ZNF556: variants seen among roughly 807,000 people sequenced by gnomAD.
ZNF556 encodes the protein zinc finger protein 556.
ZNF556 carries 11 observed loss-of-function variants against 13.6 expected under a neutral mutation model. The ratio of observed to expected loss-of-function variants is 0.81; its 90% CI spans 0.51 to 1.33. The LOEUF is 1.33. Ranked by LOEUF, ZNF556 falls within the 40% of genes most tolerant of loss-of-function variation. ZNF556 has a pLI of 0.00. For missense variants in ZNF556, 633 were observed against 566.2 expected (o/e 1.12, Z -1.20); for synonymous variants, 229 against 207.8 (o/e 1.10, Z -0.88).
At position 2,877,533 on chromosome 19, in the gene ZNF556, C is replaced by T. The variant is rs138582373; in HGVS notation, c.575C>T (p.Thr192Met). Residue 192 changes from threonine (T) to methionine (M), a missense_variant, in exon 4 of 4, where the codon ACG (threonine) becomes ATG (methionine). Thr to Met is a moderately conservative substitution (Grantham distance 81). Coordinates refer to ENST00000307635, the MANE Select transcript of ZNF556 (RefSeq NM_024967.3). ...TTCAGTCGCCCTTCCTACCTACAGA[C>T]GCATGAGAAAACTCACAGTGGAGAG... The part of the protein sequence containing the change: ...KAFSRPSYLQ[T>M]HEKTHSGEKP... 3.8e-4 allele frequency: 619 copies of T among 1,614,038 alleles called. 1 individual carries two copies. In the African/African-American group the frequency reaches 6.7e-3, roughly 18 times the overall value.
Position 2,882,849 on chromosome 19 carries a change from A to C in ZNF556, c.*4520A>C, listed in dbSNP as rs540664179. The C allele has an allele frequency of 2.4e-4, 36 of 152,354 alleles. No individual in the cohort carries two copies. The highest frequency in any genetic ancestry group is 8.4e-4 in the African/African-American group (35 of 41,570). The allele number at this position is 152,354 out of a possible 1,614,324, so 9.4% of individuals were successfully genotyped here. A position where few individuals can be genotyped will look rare whatever the true frequency, so the allele number is the denominator to read the frequency against. On this transcript the variant is annotated 3_prime_UTR_variant, in exon 4 of 4. Coordinates refer to ENST00000307635, the MANE Select transcript of ZNF556 (RefSeq NM_024967.3). ...GATTACAGGCGTGAGCCACCGCACC[A>C]GGCCCATGTCATATGTTTTTATGAG... is the stretch of plus-strand genomic sequence containing the variant.
In ZNF556 at chr19:2,883,403, A is replaced by G. The variant is rs1442848453; in HGVS notation, c.*5074A>G. ...TTCCAGCAGCTATTAGAAGAGAAAA[A>G]TATGTAACAGCTTTGTGTTTAATTA... On this transcript the variant is annotated 3_prime_UTR_variant, in exon 4 of 4. Transcript: ENST00000307635. The G allele has an allele frequency of 6.6e-6, 1 of 152,132 alleles. No individual in the cohort carries two copies. Among genetic ancestry groups the G allele is most frequent in the Non-Finnish European group, 1.5e-5 (1 of 68,036 alleles). The allele number at this position is 152,132 out of a possible 1,614,324, so 9.4% of individuals were successfully genotyped here.
chr19:2,873,954 C>G (rs531106011), intron 2 of ZNF556, among the ~76,000 whole-genome samples: 1 of 151,798 alleles, frequency 6.6e-6, no homozygotes, highest in East Asian at 1.9e-4. Flanking sequence ...GAGACCCTGT[C>G]TCAAATAAAA....
intron 1 of ZNF556, among the ~76,000 whole-genome samples, chr19:2,873,064 C>T (rs914353723): frequency 4.7e-5 from 7 of 149,910 alleles, no homozygotes; most frequent in African/African-American, 9.8e-5. Flanking sequence ...ACCCAGGAGG[C>T]GCAGCTTGCA....
chr19:2,867,378 C>G lies in ZNF556; in HGVS notation c.-44C>G. The G allele has an allele frequency of 1.3e-6, 2 of 1,570,732 alleles. No individual in the cohort carries two copies. Among genetic ancestry groups the G allele is most frequent in the Non-Finnish European group, 1.7e-6 (2 of 1,158,430 alleles). On this transcript the variant is annotated 5_prime_UTR_variant, in exon 1 of 4. Coordinates refer to ENST00000307635, the MANE Select transcript of ZNF556 (RefSeq NM_024967.3). Reference sequence around the variant, plus strand: ...CCGTCGTGCTCACCTGCACCGGCTGCGAGGAGCAGGGAGCTCCTCAAAGAG... The same window carrying G: ...CCGTCGTGCTCACCTGCACCGGCTGGGAGGAGCAGGGAGCTCCTCAAAGAG...
In ZNF556 at chr19:2,880,481, C is replaced by T. The variant is rs542656615; in HGVS notation, c.*2152C>T. On this transcript the variant is annotated 3_prime_UTR_variant, in exon 4 of 4. Transcript: ENST00000307635. Reference sequence around the variant, plus strand: ...CAACATGGTGACTTTAAAAATGATACTTCTGGGCCAGGCACAGTGGCTCAC... The same window carrying T: ...CAACATGGTGACTTTAAAAATGATATTTCTGGGCCAGGCACAGTGGCTCAC... 1 of 152,188 alleles carries T rather than the reference C, an allele frequency of 6.6e-6. No individual in the cohort carries two copies. The highest frequency in any genetic ancestry group is 1.5e-5 in the Non-Finnish European group (1 of 68,016). 9.4% of individuals were successfully genotyped at this position (152,188 alleles called of 1,614,324 possible).
chr19:2,880,080 T>A lies in ZNF556; in HGVS notation c.*1751T>A, dbSNP rs1005531607. Reference sequence around the variant, plus strand: ...TTTTAAAAAAGCACAGGGGATTGTTTCCCTACTGCATCTACTGTGACCTAG... The same window carrying A: ...TTTTAAAAAAGCACAGGGGATTGTTACCCTACTGCATCTACTGTGACCTAG... On this transcript the variant is annotated 3_prime_UTR_variant, in exon 4 of 4. Coordinates refer to ENST00000307635, the MANE Select transcript of ZNF556 (RefSeq NM_024967.3). The A allele has an allele frequency of 4.6e-5, 7 of 152,230 alleles. No individual in the cohort carries two copies. Among genetic ancestry groups the A allele is most frequent in the African/African-American group, 1.7e-4 (7 of 41,554 alleles). The allele number at this position is 152,230 out of a possible 1,614,324, so 9.4% of individuals were successfully genotyped here. A position where few individuals can be genotyped will look rare whatever the true frequency, so the allele number is the denominator to read the frequency against.
At chr19:2,869,186 A>T (rs1011409547) in intron 1 of ZNF556, among the ~76,000 whole-genome samples, 4 of 152,052 alleles carry the variant, frequency 2.6e-5, no homozygotes, top group Non-Finnish European at 4.4e-5. Flanking sequence ...TCTCAGCTGC[A>T]CTGCAGTATA....
At position 2,881,562 on chromosome 19, in the gene ZNF556, A is replaced by G. The variant is rs2087904850; in HGVS notation, c.*3233A>G. 1 of 151,714 alleles carries G rather than the reference A, an allele frequency of 6.6e-6. No homozygotes were observed. Among genetic ancestry groups the G allele is most frequent in the South Asian group, 2.1e-4 (1 of 4,804 alleles). The allele number at this position is 151,714 out of a possible 1,614,324, so 9.4% of individuals were successfully genotyped here. On this transcript the variant is annotated 3_prime_UTR_variant, in exon 4 of 4. Coordinates refer to ENST00000307635, the MANE Select transcript of ZNF556 (RefSeq NM_024967.3). ...ACTGCACTCCAGCCTGGGCGACAAG[A>G]GTAAGACTCCATCTCAAAAAAAAAA...
At chr19:2,867,719 CA>C (rs2087768194) in intron 1 of ZNF556, among the ~76,000 whole-genome samples, 1 of 125,288 alleles carries the variant, frequency 8.0e-6, no homozygotes, top group African/African-American at 2.8e-5. Flanking sequence ...GTACAAAAAA[CA>C]AAACAAAAAA....
At position 2,873,519 on chromosome 19, in the gene ZNF556, G is replaced by C; in HGVS notation, c.27G>C (p.Val9=). The C allele has an allele frequency of 6.2e-7, 1 of 1,614,166 alleles. No individual in the cohort carries two copies. The highest frequency in any genetic ancestry group is 8.5e-7 in the Non-Finnish European group (1 of 1,180,032). MDTVVFED[V]VVDFTLEEWA... is the part of the protein sequence containing the mutation. ...AGGACACAGTGGTCTTTGAAGACGT[G>C]GTTGTGGATTTCACGCTGGAGGAGT... is the stretch of plus-strand genomic sequence containing the variant. The change falls in exon 2 of 4, where the codon GTG becomes GTC. Residue 9 remains valine, a synonymous_variant. Coordinates refer to ENST00000307635, the MANE Select transcript of ZNF556 (RefSeq NM_024967.3).
At chr19:2,867,546 G>A in intron 1 of ZNF556, 122 bp downstream of exon 1, 1 of 1,422,432 alleles carries the variant, frequency 7.0e-7, no homozygotes, top group Non-Finnish European at 9.6e-7. Context: ...CTCTGTCCCT[G>A]TGTCACCCCC....
rs1473966323 is a variant in ZNF556 at position 2,881,650 on chromosome 19, A to G, written c.*3321A>G. ...TATAGTATCAAACTTGACAAGGTAG[A>G]TAATAGGGAATGCAGAATAAAGGAT... On this transcript the variant is annotated 3_prime_UTR_variant, in exon 4 of 4. Coordinates refer to ENST00000307635, the MANE Select transcript of ZNF556 (RefSeq NM_024967.3). 1 of 152,218 alleles carries G rather than the reference A, an allele frequency of 6.6e-6. No individual in the cohort carries two copies. The highest frequency in any genetic ancestry group is 3.4e-3 in the Middle Eastern group (1 of 294). The allele number at this position is 152,218 out of a possible 1,614,324, so 9.4% of individuals were successfully genotyped here.
In ZNF556 at chr19:2,876,166, A is replaced by G; in HGVS notation, c.204A>G (p.Lys68=). ...QDTSGEKLSL[K]QKIEKFTRKN... is the part of the protein sequence containing the mutation. ...CTTCTGGAGAAAAATTATCCCTCAAACAGAAAATAGAAAAGTTCACAAGAA... is the reference window on the plus strand; with the variant it reads ...CTTCTGGAGAAAAATTATCCCTCAAGCAGAAAATAGAAAAGTTCACAAGAA... Residue 68 remains lysine (K), a synonymous_variant, in exon 3 of 4, where the codon AAA becomes AAG. Transcript: ENST00000307635. 2 of 1,613,010 alleles carry G rather than the reference A, an allele frequency of 1.2e-6. No individual in the cohort carries two copies. The highest frequency in any genetic ancestry group is 1.7e-6 in the Non-Finnish European group (2 of 1,179,716).
Position 2,878,985 on chromosome 19 carries a change from C to T in ZNF556, c.*656C>T, listed in dbSNP as rs903946860. On this transcript the variant is annotated 3_prime_UTR_variant, in exon 4 of 4. Coordinates refer to ENST00000307635, the MANE Select transcript of ZNF556 (RefSeq NM_024967.3). ...TTTTTATATATTTTTTTTGTTACTC[C>T]GTGTGAGGCCATTAGACCAATGAAA... The T allele has an allele frequency of 6.6e-6, 1 of 151,978 alleles. No individual in the cohort carries two copies. Among genetic ancestry groups the T allele is most frequent in the African/African-American group, 2.4e-5 (1 of 41,460 alleles). 9.4% of individuals were successfully genotyped at this position (151,978 alleles called of 1,614,324 possible). A position where few individuals can be genotyped will look rare whatever the true frequency, so the allele number is the denominator to read the frequency against.
intron 1 of ZNF556, among the ~76,000 whole-genome samples, chr19:2,872,504 T>C (rs1463343565): frequency 6.6e-6 from 1 of 152,200 alleles, no homozygotes; most frequent in African/African-American, 2.4e-5. Flanking sequence ...CGAGGATTAT[T>C]ATAATATTGG....
intron 1 of ZNF556, among the ~76,000 whole-genome samples, chr19:2,872,571 T>G (rs2087812642): frequency 6.6e-6 from 1 of 152,196 alleles, no homozygotes; most frequent in Non-Finnish European, 1.5e-5. Context: ...TAATCATATC[T>G]AAGATCTATA....
chr19:2,869,700 T>C lies in ZNF556; in HGVS notation c.3+2276T>C, dbSNP rs79553276. ...CTCTTATGCTGCTCTTGCACAGGAC[T>C]GCACTGTGACACCCAAGCTGACACG... On this transcript the variant is annotated intron_variant, in intron 1 of 3. Coordinates refer to ENST00000307635, the MANE Select transcript of ZNF556 (RefSeq NM_024967.3). Among the ~76,000 whole-genome samples, 441 of 152,298 alleles carry C rather than the reference T, an allele frequency of 2.9e-3. 4 individuals are homozygous for C. The highest frequency in any genetic ancestry group is 0.01 in the African/African-American group (421 of 41,560).
At chr19:2,867,542 C>T (rs2087766262) in intron 1 of ZNF556, 118 bp downstream of exon 1, 5 of 1,415,838 alleles carry the variant, frequency 3.5e-6, no homozygotes, top group East Asian at 5.0e-5. Context: ...CAGCCTCTGT[C>T]CCTGTGTCAC....
Sources: gnomAD v4.1 joint callset for allele counts (sites outside exome capture counted in the v4.1 genomes callset) on GRCh38, gnomAD v4.1.1 for gene constraint, MANE v1.5 for transcripts, NCBI Gene and HGNC (gene_info 2026-07-23, HGNC 2026-07-21) for gene names.